AKNAD1: variants seen among roughly 807,000 people sequenced by gnomAD.
AKNAD1 encodes protein AKNAD1.
Under a neutral mutation model 90.8 loss-of-function variants are expected in AKNAD1, and 67 were observed. The ratio of observed to expected loss-of-function variants is 0.74; its 90% CI spans 0.61 to 0.90. The LOEUF (loss-of-function observed/expected upper bound fraction) is 0.90. Among genes scored for constraint, AKNAD1 ranks in the 40% least tolerant of loss-of-function variants. The pLI is 0.00. For missense variants in AKNAD1, 957 were observed against 975.4 expected, an observed-to-expected ratio of 0.98 and a Z score of 0.25; for synonymous variants, 327 against 341.4, an observed-to-expected ratio of 0.96 and a Z score of 0.46.
intron 10 of AKNAD1, 30 bp downstream of exon 10, chr1:108,830,529 C>T: frequency 6.2e-7 from 1 of 1,609,372 alleles, no homozygotes; most frequent in Non-Finnish European, 8.5e-7. Context: ...TCCAATCCAC[C>T]CTGGGAATGT....
chr1:108,827,482 GA>G (rs1664041584), intron 10 of AKNAD1, among the ~76,000 whole-genome samples, 180 bp from the exon 11 acceptor site: 3 of 151,532 alleles, frequency 2.0e-5, no homozygotes, highest in Non-Finnish European at 4.4e-5. Flanking sequence ...TTTTCTACAA[GA>G]AATTGCACCC....
chr1:108,818,505 G>A (rs1176593389), intron 14 of AKNAD1, among the ~76,000 whole-genome samples: 8 of 152,130 alleles, frequency 5.3e-5, no homozygotes, highest in East Asian at 1.9e-4. Context: ...AACAGCCATC[G>A]CTTGCTGAGT....
intron 13 of AKNAD1, among the ~76,000 whole-genome samples, chr1:108,821,824 C>A (rs188182379): frequency 1.4e-5 from 2 of 138,536 alleles, no homozygotes; most frequent in African/African-American, 5.4e-5. Context: ...CACCAAGGCT[C>A]CCTTCTCCCC....
At position 108,817,637 on chromosome 1, in the gene AKNAD1, G is replaced by T. The variant is rs771391440; in HGVS notation, c.2250-460C>A. Among the ~76,000 whole-genome samples, 9 of 151,080 alleles carry T rather than the reference G, an allele frequency of 6.0e-5. No homozygotes were observed. The South Asian group carries it at 1.9e-3, about 32-fold the overall frequency. On this transcript the variant is annotated intron_variant, in intron 14 of 15. Coordinates refer to ENST00000370001, the MANE Select transcript of AKNAD1 (RefSeq NM_152763.5). ...GTGCCTCAGCCTCCCGAGTAGCTGG[G>T]ACTACAGGCGCCCGCCACCACGCCC...
Position 108,816,114 on chromosome 1 carries a change from A to G in AKNAD1, c.*57T>C, listed in dbSNP as rs1663586652. 7 of 1,487,856 alleles carry G rather than the reference A, an allele frequency of 4.7e-6. No homozygotes were observed. The highest frequency in any genetic ancestry group is 6.2e-6 in the Non-Finnish European group (7 of 1,121,452). 92.2% of individuals were successfully genotyped at this position (1,487,856 alleles called of 1,614,324 possible). ...TAGTAAGTAAAATACATTTTGGGGG[A>G]AGATCAAGTTTTCTTTGCATTTTTT... On this transcript the variant is annotated 3_prime_UTR_variant, in exon 16 of 16. Transcript: ENST00000370001.
intron 11 of AKNAD1, among the ~76,000 whole-genome samples, chr1:108,825,756 T>A (rs1225080600): frequency 3.5e-5 from 1 of 28,418 alleles, no homozygotes. Flanking sequence ...TCCAAGGCGC[T>A]TTTTTTTTAG....
At position 108,816,086 on chromosome 1, in the gene AKNAD1, G is replaced by T; in HGVS notation, c.*85C>A. 2.2e-6 allele frequency: 3 copies of T among 1,357,358 alleles called. No homozygotes were observed. The highest frequency in any genetic ancestry group is 3.6e-5 in the South Asian group (2 of 55,090). 84.1% of individuals were successfully genotyped at this position (1,357,358 alleles called of 1,614,324 possible). ...CTCTAGAAAGTCATCTTCCTAAATT[G>T]TGTAGTAAGTAAAATACATTTTGGG... is the stretch of plus-strand genomic sequence containing the variant. On this transcript the variant is annotated 3_prime_UTR_variant, in exon 16 of 16. Transcript: ENST00000370001.
chr1:108,848,904 A>C lies in AKNAD1; in HGVS notation c.1182+8T>G, dbSNP rs1664776809. 6.3e-7 allele frequency: 1 copy of C among 1,599,576 alleles called. No homozygotes were observed. On this transcript the variant is annotated splice_region_variant and intron_variant, in intron 4 of 15. Transcript: ENST00000370001. ...TATATTGTTTATAATAAGCTTTAAA[A>C]GTATTACTTTAGTCTTCAGTTGATC...
intron 5 of AKNAD1, among the ~76,000 whole-genome samples, chr1:108,844,831 T>A (rs1033579746): frequency 6.0e-5 from 9 of 151,216 alleles, no homozygotes; most frequent in Admixed American, 2.6e-4. Context: ...TTTTTTTTTT[T>A]AATTTAAGAC....
At chr1:108,843,014 A>T (rs1164764506) in intron 6 of AKNAD1, 120 bp downstream of exon 6, 141 of 1,284,532 alleles carry the variant, frequency 1.1e-4, no homozygotes, top group Non-Finnish European at 1.4e-4. Context: ...TTGGTGACAC[A>T]GTTTCTGCTG....
chr1:108,854,217 AT>A (rs1664966431), intron 1 of AKNAD1, among the ~76,000 whole-genome samples: 2 of 152,210 alleles, frequency 1.3e-5, no homozygotes, highest in Admixed American at 6.5e-5. Context: ...TAAAGCACCC[AT>A]TCAGATATCT....
intron 11 of AKNAD1, among the ~76,000 whole-genome samples, chr1:108,825,222 CA>C (rs1025532859): frequency 2.0e-5 from 3 of 151,682 alleles, no homozygotes; most frequent in Non-Finnish European, 4.4e-5. Flanking sequence ...GAGCCTGAAC[CA>C]CCCAGCTAAA....
chr1:108,829,564 A>C (rs1031343251), intron 10 of AKNAD1, among the ~76,000 whole-genome samples: 1 of 152,226 alleles, frequency 6.6e-6, no homozygotes, highest in Non-Finnish European at 1.5e-5. Context: ...GATGACTGAC[A>C]TGGTGGTTTA....
intron 9 of AKNAD1, among the ~76,000 whole-genome samples, chr1:108,831,491 C>T (rs1664193505): frequency 6.6e-6 from 1 of 152,174 alleles, no homozygotes; most frequent in Non-Finnish European, 1.5e-5. Flanking sequence ...TTGACCACAC[C>T]TTCCTCTGCA....
chr1:108,842,399 T>C (rs1244326339), intron 6 of AKNAD1, among the ~76,000 whole-genome samples: 2 of 152,178 alleles, frequency 1.3e-5, no homozygotes, highest in Middle Eastern at 6.3e-3. Context: ...ATCCTCTCCT[T>C]GAGTCCTGGA....
At position 108,817,107 on chromosome 1, in the gene AKNAD1, T is replaced by C. The variant is rs370594527; in HGVS notation, c.2320A>G (p.Arg774Gly). The change falls in exon 15 of 16, where the codon AGG (arginine) becomes GGG (glycine). Residue 774 changes from arginine (R) to glycine (G), a missense_variant. Arg to Gly is a moderately radical substitution (Grantham distance 125, BLOSUM62 -2). Transcript: ENST00000370001. ...ATPSPHFYSCRISGSKSLCDF... is the reference protein window; with the variant it reads ...ATPSPHFYSCGISGSKSLCDF... ...CATAAGGATTTGCTTCCAGAAATCCTGCAGGAGTAGAAATGGGGTGAGGGT... is the reference window on the plus strand; with the variant it reads ...CATAAGGATTTGCTTCCAGAAATCCCGCAGGAGTAGAAATGGGGTGAGGGT... 6 of 1,614,198 alleles carry C rather than the reference T, an allele frequency of 3.7e-6. No homozygotes were observed. Among genetic ancestry groups the C allele is most frequent in the Non-Finnish European group, 5.1e-6 (6 of 1,180,018 alleles).
Position 108,826,127 on chromosome 1 carries a change from G to A in AKNAD1, c.1936+1078C>T, listed in dbSNP as rs530694650. Among the ~76,000 whole-genome samples, 10 of 151,846 alleles carry A rather than the reference G, an allele frequency of 6.6e-5. No individual in the cohort carries two copies. The East Asian group carries it at 1.4e-3, about 21-fold the overall frequency. On this transcript the variant is annotated intron_variant, in intron 11 of 15. Transcript: ENST00000370001. ...TTTGTTATACCATCTGGCATAATACGTCTTCAATCAATGAACCCTATTATT... is the reference window on the plus strand; with the variant it reads ...TTTGTTATACCATCTGGCATAATACATCTTCAATCAATGAACCCTATTATT...
rs963811831 is a variant in AKNAD1, at chr1:108,817,300, C to T, written c.2250-123G>A. The stretch of plus-strand genomic sequence containing the variant: ...TTGGGTGTGGGTGGATTCGTGCACC[C>T]GCTGCCCTCCTAGCTCTCATACTCC... On this transcript the variant is annotated intron_variant, in intron 14 of 15. Transcript: ENST00000370001. 15 of 1,265,508 alleles carry T rather than the reference C, an allele frequency of 1.2e-5. No homozygotes were observed. The South Asian group carries it at 1.2e-4, about 10-fold the overall frequency. The allele number at this position is 1,265,508 out of a possible 1,614,324, so 78.4% of individuals were successfully genotyped here.
chr1:108,855,870 CAG>C (rs1665016681), intron 1 of AKNAD1, among the ~76,000 whole-genome samples: 1 of 145,126 alleles, frequency 6.9e-6, no homozygotes, highest in Admixed American at 6.8e-5. Flanking sequence ...CAAAAAAAAA[CAG>C]AGTATCTTTT....
Sources: allele counts gnomAD v4.1 joint callset (sites outside exome capture counted in the v4.1 genomes callset), GRCh38; gene constraint gnomAD v4.1.1; transcripts MANE v1.5; gene names NCBI Gene and HGNC (gene_info 2026-07-23, HGNC 2026-07-21).